VPS13B: variants seen among roughly 807,000 people sequenced by gnomAD.
VPS13B encodes the protein intermembrane lipid transfer protein VPS13B.
Under a neutral mutation model 426.4 loss-of-function variants are expected in VPS13B, and 285 were observed. That is an observed-to-expected ratio of 0.67 (90% confidence interval 0.61 to 0.74). The LOEUF (loss-of-function observed/expected upper bound fraction) is 0.74, where lower values mean the gene tolerates loss of function less well. Among genes scored for constraint, VPS13B ranks in the 30% least tolerant of loss-of-function variants. VPS13B has a pLI of 0.00. For missense variants in VPS13B, 4,537 were observed against 4,782.6 expected (o/e 0.95, Z 1.51); for synonymous variants, 1,676 against 1,676.4 (o/e 1.00, Z 0.01).
At chr8:99,035,237 A>G (rs1475335790) in intron 2 of VPS13B, among the ~76,000 whole-genome samples, 1 of 152,096 alleles carries the variant, frequency 6.6e-6, no homozygotes, top group African/African-American at 2.4e-5. Context: ...ATTACTATTA[A>G]TTATATGCAC....
At chr8:99,067,077 CAG>C (rs1236227200) in intron 3 of VPS13B, among the ~76,000 whole-genome samples, 1 of 152,172 alleles carries the variant, frequency 6.6e-6, no homozygotes, top group Non-Finnish European at 1.5e-5. Flanking sequence ...TTGTGGAAGA[CAG>C]TGTGGCTATT....
chr8:99,376,501 G>A lies in VPS13B; in HGVS notation c.2825-7707G>A, dbSNP rs117616618. ...TGTAATCATATAACTTACATAGGTT[G>A]GTGAAGTATTTTTAACTTTTTAATT... On this transcript the variant is annotated intron_variant, in intron 19 of 61. Transcript: ENST00000357162. 6.9e-3 allele frequency among the ~76,000 whole-genome samples: 1,053 copies of A among 152,034 alleles called. 7 individuals carry two copies. Among genetic ancestry groups the A allele is most frequent in the Non-Finnish European group, 9.9e-3 (670 of 67,928 alleles).
intron 51 of VPS13B, among the ~76,000 whole-genome samples, chr8:99,826,599 AC>A (rs1329372337): frequency 1.3e-5 from 2 of 152,142 alleles, no homozygotes; most frequent in Non-Finnish European, 2.9e-5. Flanking sequence ...AGAACTTCCA[AC>A]ACTATGTTGA....
chr8:99,624,007 A>ATTTTTTTTT (rs1165382455), intron 33 of VPS13B, among the ~76,000 whole-genome samples: 2 of 101,122 alleles, frequency 2.0e-5, no homozygotes, highest in Non-Finnish European at 3.7e-5. Context: ...ATATATATAT[A>ATTTTTTTTT]TTTTTTTTTT....
intron 54 of VPS13B, among the ~76,000 whole-genome samples, chr8:99,840,616 T>G (rs938351315): frequency 1.3e-5 from 2 of 152,220 alleles, no homozygotes; most frequent in African/African-American, 4.8e-5. Context: ...AGCCCATGTT[T>G]CTTAAATAAG....
At chr8:99,412,859 T>A (rs1815763224) in intron 21 of VPS13B, among the ~76,000 whole-genome samples, 1 of 150,202 alleles carries the variant, frequency 6.7e-6, no homozygotes, top group Non-Finnish European at 1.5e-5. Context: ...TCTGTTTGTG[T>A]GTTATTGATT....
intron 33 of VPS13B, among the ~76,000 whole-genome samples, chr8:99,629,990 A>G (rs920919630): frequency 3.9e-5 from 6 of 152,310 alleles, no homozygotes; most frequent in Middle Eastern, 3.4e-3. Flanking sequence ...TCCATTGTGC[A>G]TAGCGGTGTT....
At chr8:99,585,542 T>C (rs1826260652) in intron 33 of VPS13B, among the ~76,000 whole-genome samples, 1 of 152,156 alleles carries the variant, frequency 6.6e-6, no homozygotes, top group Admixed American at 6.5e-5. Context: ...TGAAAATCAA[T>C]TAACGTAAAG....
chr8:99,364,111 G>C (rs777145225), intron 19 of VPS13B, among the ~76,000 whole-genome samples: 56 of 152,126 alleles, frequency 3.7e-4, no homozygotes, highest in Middle Eastern at 3.4e-3. Context: ...GTTATATATG[G>C]CTTTTATTAT....
At chr8:99,344,950 T>C (rs902833561) in intron 19 of VPS13B, among the ~76,000 whole-genome samples, 2 of 152,172 alleles carry the variant, frequency 1.3e-5, no homozygotes, top group African/African-American at 4.8e-5. Flanking sequence ...ATTTTAAAGA[T>C]ATTCTGCATA....
At chr8:99,576,359 G>A (rs1355361624) in intron 32 of VPS13B, among the ~76,000 whole-genome samples, 4 of 151,632 alleles carry the variant, frequency 2.6e-5, no homozygotes, top group African/African-American at 9.7e-5. Flanking sequence ...TGTGCTCTTG[G>A]GTAATGTTAC....
At chr8:99,309,025 GTTGT>G (rs1229064820) in intron 19 of VPS13B, among the ~76,000 whole-genome samples, 2 of 152,174 alleles carry the variant, frequency 1.3e-5, no homozygotes, top group African/African-American at 4.8e-5. Context: ...TTTTGATGGA[GTTGT>G]TTGTTTTTTT....
intron 19 of VPS13B, among the ~76,000 whole-genome samples, chr8:99,333,878 T>C (rs1810676433): frequency 6.6e-6 from 1 of 152,034 alleles, no homozygotes; most frequent in South Asian, 2.1e-4. Context: ...TTGAAATCGT[T>C]TGTCTTGTGT....
intron 54 of VPS13B, among the ~76,000 whole-genome samples, chr8:99,843,866 T>C (rs987808750): frequency 1.3e-5 from 2 of 152,234 alleles, no homozygotes; most frequent in African/African-American, 4.8e-5. Context: ...AGTGGTAATT[T>C]CTCAACTCAG....
At position 99,609,378 on chromosome 8, in the gene VPS13B, T is replaced by A. The variant is rs540779908; in HGVS notation, c.5220+31745T>A. 5.3e-5 allele frequency among the ~76,000 whole-genome samples: 8 copies of A among 152,326 alleles called. No individual in the cohort carries two copies. In the East Asian group the frequency reaches 7.7e-4, roughly 15 times the overall value. On this transcript the variant is annotated intron_variant, in intron 33 of 61. Coordinates refer to ENST00000357162, the MANE Select transcript of VPS13B (RefSeq NM_152564.5). ...GGAATTTTATCAGGTTCATAATGAC[T>A]CATTTTAGTTTTCAAAAATGCTAAT...
intron 51 of VPS13B, among the ~76,000 whole-genome samples, chr8:99,829,325 A>G (rs1814911115): frequency 1.3e-5 from 2 of 151,690 alleles, no homozygotes; most frequent in African/African-American, 4.8e-5. Context: ...TAATCTTTTC[A>G]TGCTTTATTT....
At chr8:99,574,347 AG>A (rs958012289) in intron 31 of VPS13B, among the ~76,000 whole-genome samples, 4 of 152,060 alleles carry the variant, frequency 2.6e-5, no homozygotes, top group African/African-American at 9.7e-5. Flanking sequence ...GTTGAATAGG[AG>A]TGGTGAGAGA....
intron 16 of VPS13B, among the ~76,000 whole-genome samples, chr8:99,188,052 C>CTTTTT (rs756484540): frequency 3.6e-5 from 2 of 56,210 alleles, no homozygotes; most frequent in Non-Finnish European, 7.6e-5. Context: ...GTTGTTTGGA[C>CTTTTT]ATTTTTTTTT....
At chr8:99,156,847 T>A in intron 15 of VPS13B, 104 bp downstream of exon 15, 1 of 1,060,798 alleles carries the variant, frequency 9.4e-7, no homozygotes, top group Non-Finnish European at 1.4e-6. Flanking sequence ...AATAGTACTC[T>A]AAAAGGTAAG....
Sources: gnomAD v4.1 joint callset for allele counts (sites outside exome capture counted in the v4.1 genomes callset) on GRCh38, gnomAD v4.1.1 for gene constraint, MANE v1.5 for transcripts, NCBI Gene and HGNC (gene_info 2026-07-23, HGNC 2026-07-21) for gene names.